Variants in MARCHF6 observed in about 807,000 individuals in gnomAD.
MARCHF6 encodes the protein E3 ubiquitin-protein ligase MARCHF6.
In MARCHF6, 31 loss-of-function variants were observed where a neutral mutation model predicts 133.7. The observed-to-expected ratio is 0.23, with a 90% CI of 0.17 to 0.31. The LOEUF (loss-of-function observed/expected upper bound fraction) is 0.31. Among genes scored for constraint, MARCHF6 ranks in the 10% least tolerant of loss-of-function variants. MARCHF6 has a pLI of 1.00. For synonymous variants in MARCHF6, 395 were observed against 402.5 expected (o/e 0.98, Z 0.22); for missense variants, 723 against 1,121.6 (o/e 0.64, Z 5.08).
intron 10 of MARCHF6, among the ~76,000 whole-genome samples, chr5:10,399,641 A>G (rs1045135496): frequency 2.0e-5 from 3 of 152,172 alleles, no homozygotes; most frequent in African/African-American, 4.8e-5. Flanking sequence ...CTCACCTTAC[A>G]AAATTACTAG....
intron 24 of MARCHF6, among the ~76,000 whole-genome samples, chr5:10,429,557 A>G (rs144084970): frequency 4.8e-4 from 73 of 151,992 alleles, no homozygotes; most frequent in African/African-American, 1.7e-3. Context: ...ACGCCACCAC[A>G]CCTGGCTAAT....
intron 22 of MARCHF6, among the ~76,000 whole-genome samples, chr5:10,419,925 A>G (rs191154961): frequency 1.6e-4 from 24 of 152,344 alleles, no homozygotes; most frequent in East Asian, 3.9e-4. Flanking sequence ...GGAAGATTCA[A>G]TGGCTGGGAA....
At chr5:10,394,574 T>C (rs1487248933) in intron 8 of MARCHF6, among the ~76,000 whole-genome samples, 179 bp from the exon 9 acceptor site, 1 of 152,146 alleles carries the variant, frequency 6.6e-6, no homozygotes, top group South Asian at 2.1e-4. Flanking sequence ...AATATAAAAC[T>C]CTCATTCAGA....
chr5:10,410,391 A>G, intron 18 of MARCHF6, 115 bp downstream of exon 18: 1 of 1,256,722 alleles, frequency 8.0e-7, no homozygotes, highest in South Asian at 1.7e-5. Flanking sequence ...TTAATAAGAG[A>G]CAATTTAGTA....
At chr5:10,408,246 T>C (rs1739026624) in intron 17 of MARCHF6, among the ~76,000 whole-genome samples, 1 of 152,220 alleles carries the variant, frequency 6.6e-6, no homozygotes, top group Admixed American at 6.5e-5. Flanking sequence ...TTCTAGAACT[T>C]GGATTATTTT....
intron 10 of MARCHF6, among the ~76,000 whole-genome samples, chr5:10,397,983 A>G (rs1048795572): frequency 2.0e-5 from 3 of 152,230 alleles, no homozygotes; most frequent in Admixed American, 1.3e-4. Flanking sequence ...AGAAGAGGTA[A>G]GGAAAACTAA....
At chr5:10,426,543 A>G (rs1471576929) in intron 24 of MARCHF6, 21 bp downstream of exon 24, 2 of 1,612,488 alleles carry the variant, frequency 1.2e-6, no homozygotes, top group South Asian at 2.2e-5. Flanking sequence ...CTGGTTGTGG[A>G]GCCTTGAAGG....
chr5:10,379,643 A>T (rs1737009845), intron 3 of MARCHF6, among the ~76,000 whole-genome samples: 1 of 152,032 alleles, frequency 6.6e-6, no homozygotes, highest in African/African-American at 2.4e-5. Context: ...TTGTATTTTT[A>T]GTAGAGACGG....
Position 10,381,877 on chromosome 5 carries a change from A to G in MARCHF6, c.268A>G (p.Ile90Val), listed in dbSNP as rs1422285399. The G allele has an allele frequency of 3.1e-6, 5 of 1,613,176 alleles. No individual in the cohort carries two copies. The highest frequency in any genetic ancestry group is 2.2e-5 in the South Asian group (2 of 90,958). Residue 90 changes from isoleucine (I) to valine (V), a missense_variant, in exon 4 of 26, where the codon ATA becomes GTA. By Grantham distance (29) the Ile-to-Val change is conservative. Around this residue, in one of 4 missense-constraint regions of MARCHF6, gnomAD observed 91 missense variants for 208.8 expected, o/e 0.44. Coordinates refer to ENST00000274140, the MANE Select transcript of MARCHF6 (RefSeq NM_005885.4). ...ACTGGTTACAAGTATTGGCACTGCA[A>G]TACGATATTGGTTTCATTATACACT... ...AGLVTSIGTA[I>V]RYWFHYTLVA...
chr5:10,407,508 T>C (rs745360023), intron 17 of MARCHF6, among the ~76,000 whole-genome samples: 1 of 152,244 alleles, frequency 6.6e-6, no homozygotes, highest in Admixed American at 6.5e-5. Context: ...TTGCACACCA[T>C]TGAAATGTTT....
In MARCHF6 at chr5:10,391,547, A is replaced by G; in HGVS notation, c.582A>G (p.Pro194=). 1 of 1,598,102 alleles carries G rather than the reference A, an allele frequency of 6.3e-7. No homozygotes were observed. Among genetic ancestry groups the G allele is most frequent in the South Asian group, 1.1e-5 (1 of 90,678 alleles). ...NAAGHHQNEA[P]AGGNGAENVA... ...GGGCTTTTCTGTGATTTTAGGCTCC[A>G]GCAGGAGGAAATGGTGCAGAAAATG... is the stretch of plus-strand genomic sequence containing the variant. The change falls in exon 7 of 26, where the codon CCA becomes CCG. Residue 194 remains proline (P), a synonymous_variant. Coordinates refer to ENST00000274140, the MANE Select transcript of MARCHF6 (RefSeq NM_005885.4).
At chr5:10,371,869 G>T (rs1736489130) in intron 1 of MARCHF6, among the ~76,000 whole-genome samples, 1 of 152,022 alleles carries the variant, frequency 6.6e-6, no homozygotes, top group African/African-American at 2.4e-5. Flanking sequence ...CTGCTGGCTG[G>T]CATCTATAAT....
At chr5:10,395,997 C>T (rs1233322162) in intron 9 of MARCHF6, among the ~76,000 whole-genome samples, 2 of 152,180 alleles carry the variant, frequency 1.3e-5, no homozygotes, top group African/African-American at 2.4e-5. Flanking sequence ...CCATCAGTTC[C>T]TCATAAATGA....
At chr5:10,374,586 T>C (rs1405625522) in intron 1 of MARCHF6, among the ~76,000 whole-genome samples, 2 of 152,176 alleles carry the variant, frequency 1.3e-5, no homozygotes, top group African/African-American at 2.4e-5. Flanking sequence ...GGCATTAGTA[T>C]TGCACCGCTA....
At chr5:10,413,084 C>T (rs890357268) in intron 19 of MARCHF6, among the ~76,000 whole-genome samples, 1 of 152,178 alleles carries the variant, frequency 6.6e-6, no homozygotes, top group Non-Finnish European at 1.5e-5. Context: ...CTGAATTGTT[C>T]TTCTGCTCCT....
Position 10,366,173 on chromosome 5 carries a change from C to T in MARCHF6, c.20-11625C>T, listed in dbSNP as rs751725099. 7.9e-5 allele frequency among the ~76,000 whole-genome samples: 12 copies of T among 152,212 alleles called. No individual in the cohort carries two copies. In the South Asian group the frequency reaches 1.0e-3, roughly 13 times the overall value. On this transcript the variant is annotated intron_variant, in intron 1 of 25. Coordinates refer to ENST00000274140, the MANE Select transcript of MARCHF6 (RefSeq NM_005885.4). ...TTTCGAACTTCTGGACTCAAGTGAT[C>T]CATCTTGCCAAAGTGCTGGGATTAC...
chr5:10,431,307 A>C (rs1363578571), intron 25 of MARCHF6, among the ~76,000 whole-genome samples: 1 of 152,204 alleles, frequency 6.6e-6, no homozygotes, highest in African/African-American at 2.4e-5. Context: ...TAAATACTGC[A>C]AACAGAATGA....
intron 1 of MARCHF6, among the ~76,000 whole-genome samples, chr5:10,362,640 C>A (rs1182450532): frequency 3.3e-5 from 5 of 152,174 alleles, no homozygotes; most frequent in Admixed American, 6.5e-5. Flanking sequence ...TCTCCCTTTG[C>A]AGTCACTTTG....
chr5:10,425,882 T>C (rs1411411594), intron 23 of MARCHF6, among the ~76,000 whole-genome samples: 2 of 152,264 alleles, frequency 1.3e-5, no homozygotes, highest in Non-Finnish European at 2.9e-5. Flanking sequence ...ATATTCACTA[T>C]AGAATTCTTT....
Sources: allele counts gnomAD v4.1 joint callset (sites outside exome capture counted in the v4.1 genomes callset), GRCh38; gene constraint gnomAD v4.1.1; regional missense constraint gnomAD v4.1.1; transcripts MANE v1.5; gene names NCBI Gene and HGNC (gene_info 2026-07-23, HGNC 2026-07-21).